The following SLC5A4 variants were observed in gnomAD, a reference collection of about 807,000 sequenced individuals.
SLC5A4 encodes the protein probable glucose sensor protein SLC5A4.
In SLC5A4, 55 loss-of-function variants were observed where a neutral mutation model predicts 70.3. The observed-to-expected ratio is 0.78, with a 90% confidence interval of 0.63 to 0.98. SLC5A4 has a LOEUF of 0.98. SLC5A4 is among the 50% of genes least tolerant of loss of function. The pLI is 0.00. For missense variants in SLC5A4, 735 were observed against 839.2 expected (o/e 0.88, Z 1.53); for synonymous variants, 268 against 305.7 (o/e 0.88, Z 1.29).
rs1437933572 is a variant in SLC5A4 at position 32,229,222 on chromosome 22, A to G, written c.1252T>C (p.Ser418Pro). The G allele has an allele frequency of 6.2e-7, 1 of 1,614,006 alleles. No homozygotes were observed. Among genetic ancestry groups the G allele is most frequent in the Non-Finnish European group, 8.5e-7 (1 of 1,180,016 alleles). Residue 418 changes from serine to proline, a missense_variant, in exon 11 of 15, where the codon TCG becomes CCG. By Grantham distance (74) the Ser-to-Pro change is moderately conservative. Coordinates refer to ENST00000266086, the MANE Select transcript of SLC5A4 (RefSeq NM_014227.3). The stretch of plus-strand genomic sequence containing the variant: ...CCAGCTATCAGGAGCTCTTTCTCCG[A>G]CGCTTGCTTCCGCATCTTGGTGTAG... ...DLYTKMRKQA[S>P]EKELLIAGRI...
chr22:32,303,253 T>C, the SLC5A4 span, among the ~76,000 whole-genome samples: 2 of 152,226 alleles, frequency 1.3e-5, no homozygotes, highest in Non-Finnish European at 2.9e-5. Context: ...CATCAATATG[T>C]GTAAGGTATA....
At chr22:32,354,256 T>A in the SLC5A4 span, among the ~76,000 whole-genome samples, 1 of 132,352 alleles carries the variant, frequency 7.6e-6, no homozygotes, top group Non-Finnish European at 1.6e-5. Flanking sequence ...GCTATCTCTG[T>A]CTCAGTGTAG....
the SLC5A4 span, among the ~76,000 whole-genome samples, chr22:32,323,121 G>C: frequency 6.6e-6 from 1 of 152,036 alleles, no homozygotes; most frequent in African/African-American, 2.4e-5. Context: ...GGCACCCTCC[G>C]GGATTCTCCC....
the SLC5A4 span, among the ~76,000 whole-genome samples, chr22:32,326,270 ATT>A: frequency 7.4e-5 from 10 of 135,304 alleles, no homozygotes; most frequent in Admixed American, 1.5e-4. Flanking sequence ...GCCTTCACGT[ATT>A]TTTTTTTTTT....
At chr22:32,320,358 CG>C in the SLC5A4 span, among the ~76,000 whole-genome samples, 1 of 152,186 alleles carries the variant, frequency 6.6e-6, no homozygotes, top group African/African-American at 2.4e-5. Context: ...AGCAGTCTCA[CG>C]TAACGATTAT....
the SLC5A4 span, among the ~76,000 whole-genome samples, chr22:32,317,350 AAGAC>A: frequency 6.6e-6 from 1 of 151,938 alleles, no homozygotes; most frequent in African/African-American, 2.4e-5. Flanking sequence ...AAAGAAAAGA[AAGAC>A]AAACCTAAGA....
At chr22:32,283,556 C>A in the SLC5A4 span, among the ~76,000 whole-genome samples, 4 of 152,184 alleles carry the variant, frequency 2.6e-5, no homozygotes, top group African/African-American at 9.7e-5. Flanking sequence ...TCCACCAAGG[C>A]CAATTTTAAA....
chr22:32,331,040 T>C, the SLC5A4 span, among the ~76,000 whole-genome samples: 1 of 101,982 alleles, frequency 9.8e-6, no homozygotes. Flanking sequence ...TTGGAGGCTC[T>C]GGTGTGTGTG....
At chr22:32,305,346 T>C in the SLC5A4 span, among the ~76,000 whole-genome samples, 1 of 130,760 alleles carries the variant, frequency 7.6e-6, no homozygotes, top group African/African-American at 3.0e-5. Context: ...CTTGTGCCTC[T>C]GTTGCTTCTT....
rs1926234094 is a variant in SLC5A4, at chr22:32,239,100, G to C, written c.478-10C>G. On this transcript the variant is annotated splice_polypyrimidine_tract_variant and intron_variant, in intron 5 of 14. Coordinates refer to ENST00000266086, the MANE Select transcript of SLC5A4 (RefSeq NM_014227.3). ...CAGCAAATATGTCTGCCTAAAAAGGGAACAGTCAGGATGAGAAAGAAACAT... is the reference window on the plus strand; with the variant it reads ...CAGCAAATATGTCTGCCTAAAAAGGCAACAGTCAGGATGAGAAAGAAACAT... 1.3e-5 allele frequency: 21 copies of C among 1,599,698 alleles called. No homozygotes were observed. Among genetic ancestry groups the C allele is most frequent in the Non-Finnish European group, 1.8e-5 (21 of 1,167,186 alleles).
the SLC5A4 span, among the ~76,000 whole-genome samples, chr22:32,292,703 T>C: frequency 6.6e-6 from 1 of 152,190 alleles, no homozygotes; most frequent in East Asian, 1.9e-4. Context: ...CAGTATAACA[T>C]AACTTTTTGT....
chr22:32,294,346 C>T, the SLC5A4 span, among the ~76,000 whole-genome samples: 1 of 152,000 alleles, frequency 6.6e-6, no homozygotes, highest in Non-Finnish European at 1.5e-5. Flanking sequence ...TAAATTAAAC[C>T]TTTTTATTCT....
the SLC5A4 span, among the ~76,000 whole-genome samples, chr22:32,265,449 T>C: frequency 6.6e-6 from 1 of 152,134 alleles, no homozygotes; most frequent in Non-Finnish European, 1.5e-5. Context: ...CAGAGAATCA[T>C]GAAACTGCAA....
chr22:32,308,248 AG>A, the SLC5A4 span, among the ~76,000 whole-genome samples: 3 of 152,236 alleles, frequency 2.0e-5, no homozygotes, highest in African/African-American at 7.2e-5. Flanking sequence ...AGTACACCCA[AG>A]TTGAAAAATT....
chr22:32,252,965 C>T (rs1424490025), intron 2 of SLC5A4, among the ~76,000 whole-genome samples: 1 of 152,178 alleles, frequency 6.6e-6, no homozygotes, highest in East Asian at 1.9e-4. Flanking sequence ...TTCTGCTCAG[C>T]TACATGGGGC....
chr22:32,226,435 C>A (rs1469906589), intron 11 of SLC5A4, among the ~76,000 whole-genome samples: 1 of 152,186 alleles, frequency 6.6e-6, no homozygotes, highest in Non-Finnish European at 1.5e-5. Flanking sequence ...AATGAACCGA[C>A]GCAATTTACT....
At chr22:32,270,242 C>T in the SLC5A4 span, 2 of 701,010 alleles carry the variant, frequency 2.9e-6, no homozygotes, top group East Asian at 2.7e-5. Context: ...ACCAATGCTG[C>T]CATGGGTGAG....
the SLC5A4 span, among the ~76,000 whole-genome samples, chr22:32,292,690 A>T: frequency 6.6e-6 from 1 of 152,148 alleles, no homozygotes. Flanking sequence ...TTGCTTAATT[A>T]TACAGTATAA....
chr22:32,334,615 C>T, the SLC5A4 span, among the ~76,000 whole-genome samples: 1 of 152,212 alleles, frequency 6.6e-6, no homozygotes, highest in South Asian at 2.1e-4. Flanking sequence ...CTCCATGTTT[C>T]CCTTAAACGA....
Sources: allele counts gnomAD v4.1 joint callset (sites outside exome capture counted in the v4.1 genomes callset), GRCh38; gene constraint gnomAD v4.1.1; transcripts MANE v1.5; gene names NCBI Gene and HGNC (gene_info 2026-07-23, HGNC 2026-07-21).